Variants in WDR82 observed in about 807,000 individuals in gnomAD.
WDR82 encodes the protein WD repeat domain 82, also known as WD repeat-containing protein 82.
Under a neutral mutation model 36.1 loss-of-function variants are expected in WDR82, and 8 were observed. The observed-to-expected ratio is 0.22, with a 90% CI of 0.13 to 0.40. WDR82 has a LOEUF of 0.40. Ranked by LOEUF, WDR82 falls within the 10% of genes least tolerant of loss-of-function variation. WDR82 has a pLI of 1.00. For synonymous variants in WDR82, 129 were observed against 137.8 expected, an observed-to-expected ratio of 0.94 and a Z score of 0.45; for missense variants, 185 against 400.5, an observed-to-expected ratio of 0.46 and a Z score of 4.59.
intron 2 of WDR82, among the ~76,000 whole-genome samples, chr3:52,268,778 C>A (rs1241518726): frequency 1.3e-5 from 2 of 151,072 alleles, no homozygotes; most frequent in Non-Finnish European, 2.9e-5. Flanking sequence ...CTGAGATAGG[C>A]ACAGCCAAAA....
intron 1 of WDR82, among the ~76,000 whole-genome samples, chr3:52,271,356 C>T (rs1280421662): frequency 6.6e-6 from 1 of 152,134 alleles, no homozygotes; most frequent in Non-Finnish European, 1.5e-5. Context: ...TACCAAACAG[C>T]CTAGGTGTGT....
intron 1 of WDR82, among the ~76,000 whole-genome samples, chr3:52,275,535 A>C (rs973549553): frequency 6.6e-6 from 1 of 152,158 alleles, no homozygotes; most frequent in Non-Finnish European, 1.5e-5. Flanking sequence ...ATCAGTACTA[A>C]ATTTCCTAAT....
rs1412178263 is a variant in WDR82, at chr3:52,258,404, C to T, written c.912+132G>A. On this transcript the variant is annotated intron_variant, in intron 8 of 8. Transcript: ENST00000296490. The stretch of plus-strand genomic sequence containing the variant: ...ATAGGAGATGAAATAGGGAAACCAC[C>T]AGTTGAGAAACATGTACTTGGATGC... 6.7e-6 allele frequency: 7 copies of T among 1,049,560 alleles called. No homozygotes were observed. The Admixed American group carries it at 1.4e-4, about 22-fold the overall frequency. The allele number at this position is 1,049,560 out of a possible 1,614,324, so 65.0% of individuals were successfully genotyped here.
intron 3 of WDR82, among the ~76,000 whole-genome samples, chr3:52,265,299 C>CAAA (rs869189597): frequency 1.8e-4 from 8 of 43,808 alleles, no homozygotes; most frequent in Admixed American, 1.2e-3. Flanking sequence ...GACTCTGTCT[C>CAAA]AAAAAAAAAA....
At chr3:52,277,916 AAAGGTC>A (rs1700220575) in intron 1 of WDR82, among the ~76,000 whole-genome samples, 1 of 152,234 alleles carries the variant, frequency 6.6e-6, no homozygotes, top group Admixed American at 6.5e-5. Context: ...CCGGGCGTTT[AAAGGTC>A]AAGGTCAAGG....
At chr3:52,269,744 GACAA>G (rs1319728033) in intron 2 of WDR82, among the ~76,000 whole-genome samples, 2 of 151,838 alleles carry the variant, frequency 1.3e-5, no homozygotes, top group African/African-American at 2.4e-5. Flanking sequence ...AATAAAAACA[GACAA>G]ACAAAAGAAA....
chr3:52,265,566 C>CTTT (rs959125432), intron 3 of WDR82, among the ~76,000 whole-genome samples: 29 of 120,726 alleles, frequency 2.4e-4, no homozygotes, highest in African/African-American at 3.5e-4. Context: ...GGAAGTGCAA[C>CTTT]TTTTTTTTTT....
intron 3 of WDR82, among the ~76,000 whole-genome samples, chr3:52,261,829 G>C (rs1031251565): frequency 6.6e-6 from 1 of 152,172 alleles, no homozygotes. Flanking sequence ...TAATGGAAAT[G>C]TAAAAATGGT....
rs984931423 is a variant in WDR82, at chr3:52,261,020, G to T, written c.426+360C>A. ...CATGACTGTAATCCCAGCTACTTGG[G>T]AGGCTGAGGCAGAAGAATCGCTTGA... On this transcript the variant is annotated intron_variant, in intron 4 of 8. Transcript: ENST00000296490. Among the ~76,000 whole-genome samples, 12 of 152,224 alleles carry T rather than the reference G, an allele frequency of 7.9e-5. No individual in the cohort carries two copies. The East Asian group carries it at 1.9e-3, about 24-fold the overall frequency.
intron 1 of WDR82, among the ~76,000 whole-genome samples, chr3:52,277,074 T>C (rs1385322888): frequency 2.3e-5 from 3 of 130,272 alleles, no homozygotes; most frequent in African/African-American, 5.7e-5. Context: ...CAAATAATAA[T>C]AATAATAATA....
chr3:52,270,163 AGGCT>A (rs1700140779), intron 2 of WDR82, among the ~76,000 whole-genome samples: 1 of 152,232 alleles, frequency 6.6e-6, no homozygotes, highest in South Asian at 2.1e-4. Flanking sequence ...TCTGTCGCCC[AGGCT>A]GGAGTGCAAT....
intron 6 of WDR82, among the ~76,000 whole-genome samples, 167 bp from the exon 7 acceptor site, chr3:52,259,433 C>A (rs1050522265): frequency 3.9e-5 from 6 of 152,178 alleles, no homozygotes; most frequent in Non-Finnish European, 8.8e-5. Context: ...GTTGACAATC[C>A]ACTCCCACCC....
chr3:52,270,666 TA>T (rs1424484726), intron 2 of WDR82, 45 bp downstream of exon 2: 1 of 1,465,528 alleles, frequency 6.8e-7, no homozygotes, highest in Non-Finnish European at 9.4e-7. Flanking sequence ...ATGAACTATT[TA>T]ACAAAGGAAA....
At chr3:52,272,282 G>T (rs1042138884) in intron 1 of WDR82, among the ~76,000 whole-genome samples, 1 of 152,038 alleles carries the variant, frequency 6.6e-6, no homozygotes, top group African/African-American at 2.4e-5. Context: ...GGTGGCTCAC[G>T]CCTGTAATCT....
At position 52,261,300 on chromosome 3, in the gene WDR82, T is replaced by A. The variant is rs1700059320; in HGVS notation, c.426+80A>T. On this transcript the variant is annotated intron_variant, in intron 4 of 8. Coordinates refer to ENST00000296490, the MANE Select transcript of WDR82 (RefSeq NM_025222.4). The stretch of plus-strand genomic sequence containing the variant: ...ATCCCAGAATGGAACCACTGTTTTC[T>A]CCCTTCTTTGAGAGGTAGAGTTCAT... 7.3e-6 allele frequency: 9 copies of A among 1,239,260 alleles called. No homozygotes were observed. In the Admixed American group the frequency reaches 2.1e-4, roughly 29 times the overall value. The allele number at this position is 1,239,260 out of a possible 1,614,324, so 76.8% of individuals were successfully genotyped here. A position where few individuals can be genotyped will look rare whatever the true frequency, so the allele number is the denominator to read the frequency against.
Position 52,259,883 on chromosome 3 carries a change from TAAAA to T in WDR82, c.544-15_544-12del. The T allele has an allele frequency of 1.9e-6, 3 of 1,608,340 alleles. No homozygotes were observed. The highest frequency in any genetic ancestry group is 2.5e-6 in the Non-Finnish European group (3 of 1,177,342). On this transcript the variant is annotated splice_polypyrimidine_tract_variant and intron_variant, in intron 5 of 8. Coordinates refer to ENST00000296490, the MANE Select transcript of WDR82 (RefSeq NM_025222.4). ...GGTAGCAAATGGCCCCTGCAAAAGATAAAAAACAGTAGCCCCAGGCATATTAATA... is the reference window on the plus strand; with the variant it reads ...GGTAGCAAATGGCCCCTGCAAAAGATAACAGTAGCCCCAGGCATATTAATA...
chr3:52,261,770 TA>T (rs1338475692), intron 3 of WDR82, among the ~76,000 whole-genome samples: 6 of 152,180 alleles, frequency 3.9e-5, no homozygotes, highest in African/African-American at 1.2e-4. Context: ...ATAAGAGAGA[TA>T]ACAAGTGTTG....
intron 4 of WDR82, 52 bp from the exon 5 acceptor site, chr3:52,260,553 C>T (rs755831530): frequency 6.3e-6 from 8 of 1,272,506 alleles, no homozygotes; most frequent in East Asian, 2.7e-5. Context: ...CACAACCATA[C>T]GTGGAATAAC....
Position 52,257,402 on chromosome 3 carries a change from G to A in WDR82, c.*88C>T. 1 of 1,569,250 alleles carries A rather than the reference G, an allele frequency of 6.4e-7. No individual in the cohort carries two copies. The highest frequency in any genetic ancestry group is 8.8e-7 in the Non-Finnish European group (1 of 1,139,682). On this transcript the variant is annotated 3_prime_UTR_variant, in exon 9 of 9. Transcript: ENST00000296490. ...AGGATGTTCTCCAGCCCAGTCAAAT[G>A]ATCCAATCCCACTATTATCTCAGTT...
Sources: allele counts gnomAD v4.1 joint callset (sites outside exome capture counted in the v4.1 genomes callset), GRCh38; gene constraint gnomAD v4.1.1; transcripts MANE v1.5; gene names NCBI Gene and HGNC (gene_info 2026-07-23, HGNC 2026-07-21).